Variants in EPB41L5 observed in about 807,000 individuals in gnomAD.
The protein encoded by EPB41L5 is band 4.1-like protein 5.
In EPB41L5, 55 loss-of-function variants were observed where a neutral mutation model predicts 106.6. The ratio of observed to expected loss-of-function variants is 0.52; its 90% CI spans 0.42 to 0.65. The LOEUF is 0.65. Among genes scored for constraint, EPB41L5 ranks in the 30% least tolerant of loss-of-function variants. The pLI is 0.00. For synonymous variants in EPB41L5, 297 were observed against 306.7 expected (o/e 0.97, Z 0.33); for missense variants, 871 against 882.1 (o/e 0.99, Z 0.16).
chr2:120,166,164 A>G (rs1397113690), intron 22 of EPB41L5, among the ~76,000 whole-genome samples: 2 of 152,068 alleles, frequency 1.3e-5, no homozygotes. Context: ...TTAACACACA[A>G]GATTGCTGGG....
At chr2:120,104,360 A>T in intron 16 of EPB41L5, 1 of 1,416,106 alleles carries the variant, frequency 7.1e-7, no homozygotes, top group Non-Finnish European at 9.2e-7. Context: ...GTGAGTCACT[A>T]GTTGTTCAGT....
At chr2:120,159,380 G>T (rs1291463593) in intron 20 of EPB41L5, among the ~76,000 whole-genome samples, 3 of 144,008 alleles carry the variant, frequency 2.1e-5, no homozygotes, top group African/African-American at 7.8e-5. Context: ...CCGAGATCGC[G>T]CCACTGCACC....
chr2:120,014,451 G>C (rs1677371740), intron 1 of EPB41L5, among the ~76,000 whole-genome samples: 1 of 152,170 alleles, frequency 6.6e-6, no homozygotes, highest in Non-Finnish European at 1.5e-5. Flanking sequence ...GCCAGACGAA[G>C]TCTTTGTCCT....
At chr2:120,062,095 A>G (rs1033703405) in intron 3 of EPB41L5, among the ~76,000 whole-genome samples, 1 of 152,192 alleles carries the variant, frequency 6.6e-6, no homozygotes, top group Non-Finnish European at 1.5e-5. Context: ...ACTTAATTTC[A>G]TAGTAGAAGT....
intron 3 of EPB41L5, among the ~76,000 whole-genome samples, chr2:120,062,156 A>G (rs192898869): frequency 6.6e-6 from 1 of 152,236 alleles, no homozygotes; most frequent in Non-Finnish European, 1.5e-5. Flanking sequence ...AGAAGGAAAT[A>G]AAATTATCAC....
chr2:120,104,418 A>C (rs1454508247), intron 16 of EPB41L5: 27 of 1,375,912 alleles, frequency 2.0e-5, no homozygotes, highest in Non-Finnish European at 2.3e-5. Flanking sequence ...GAATCAAGGA[A>C]GCCATATAGC....
intron 10 of EPB41L5, among the ~76,000 whole-genome samples, chr2:120,082,742 T>G (rs1039657949): frequency 6.6e-6 from 1 of 152,188 alleles, no homozygotes; most frequent in Non-Finnish European, 1.5e-5. Context: ...TCCTGGACTT[T>G]TTTTGGTTGG....
intron 2 of EPB41L5, among the ~76,000 whole-genome samples, chr2:120,041,021 C>T (rs907538300): frequency 1.3e-5 from 2 of 151,950 alleles, no homozygotes; most frequent in African/African-American, 4.8e-5. Flanking sequence ...ATTATACCTA[C>T]CAATAGTTAC....
intron 16 of EPB41L5, among the ~76,000 whole-genome samples, chr2:120,107,722 C>T (rs1413810028): frequency 6.6e-6 from 1 of 152,136 alleles, no homozygotes; most frequent in Non-Finnish European, 1.5e-5. Context: ...CATTTCTCAT[C>T]CTCTGTTCAT....
chr2:120,063,152 C>A (rs983369722), intron 3 of EPB41L5, among the ~76,000 whole-genome samples: 64 of 151,578 alleles, frequency 4.2e-4, no homozygotes, highest in African/African-American at 1.5e-3. Context: ...CTAGCCCGGC[C>A]AACCTGGTGA....
At position 120,175,006 on chromosome 2, in the gene EPB41L5, T is replaced by A; in HGVS notation, c.*99T>A. The A allele has an allele frequency of 8.5e-7, 1 of 1,172,590 alleles. No homozygotes were observed. Among genetic ancestry groups the A allele is most frequent in the Non-Finnish European group, 1.3e-6 (1 of 782,890 alleles). The allele number at this position is 1,172,590 out of a possible 1,614,324, so 72.6% of individuals were successfully genotyped here. Reference sequence around the variant, plus strand: ...CAGGAGCTTGTCCATTATTTGTAGGTAAAAAAAGCTGCACGTAGATTTGAC... The same window carrying A: ...CAGGAGCTTGTCCATTATTTGTAGGAAAAAAAAGCTGCACGTAGATTTGAC... On this transcript the variant is annotated 3_prime_UTR_variant, in exon 25 of 25. Transcript: ENST00000263713.
intron 24 of EPB41L5, among the ~76,000 whole-genome samples, chr2:120,170,681 A>C (rs1687636001): frequency 6.6e-6 from 1 of 152,242 alleles, no homozygotes; most frequent in African/African-American, 2.4e-5. Flanking sequence ...GTTGTTGGTT[A>C]AAGTAAGTCA....
chr2:120,086,180 G>C (rs1255868645), intron 10 of EPB41L5, among the ~76,000 whole-genome samples: 1 of 152,156 alleles, frequency 6.6e-6, no homozygotes, highest in Non-Finnish European at 1.5e-5. Context: ...CAGCCTTTGT[G>C]ACAGAGTGAG....
intron 2 of EPB41L5, 56 bp from the exon 3 acceptor site, chr2:120,041,950 A>G (rs941949266): frequency 7.6e-7 from 1 of 1,313,742 alleles, no homozygotes; most frequent in Non-Finnish European, 1.1e-6. Flanking sequence ...TCTTTTGTTC[A>G]GGCTTGTTGA....
At chr2:120,158,748 G>A (rs1340116580) in intron 20 of EPB41L5, among the ~76,000 whole-genome samples, 1 of 152,160 alleles carries the variant, frequency 6.6e-6, no homozygotes, top group Admixed American at 6.5e-5. Context: ...GAGCAATCAG[G>A]CTGGAGAAAG....
chr2:120,093,232 C>G lies in EPB41L5; in HGVS notation c.1151-17C>G, dbSNP rs761112921. The G allele has an allele frequency of 2.5e-6, 4 of 1,611,588 alleles. No individual in the cohort carries two copies. The East Asian group carries it at 8.9e-5, about 36-fold the overall frequency. On this transcript the variant is annotated splice_polypyrimidine_tract_variant and intron_variant, in intron 13 of 24. Coordinates refer to ENST00000263713, the MANE Select transcript of EPB41L5 (RefSeq NM_020909.4). ...TAAGATGAAACTAATGAGGTGTTATCTTTTTTCTTCTGTTAGCATGTGCTA... is the reference window on the plus strand; with the variant it reads ...TAAGATGAAACTAATGAGGTGTTATGTTTTTTCTTCTGTTAGCATGTGCTA...
chr2:120,066,071 G>A (rs534034903), intron 3 of EPB41L5, among the ~76,000 whole-genome samples: 20 of 152,050 alleles, frequency 1.3e-4, no homozygotes, highest in African/African-American at 4.8e-4. Flanking sequence ...CCTGTGTTAT[G>A]GGGTGTGGGT....
At chr2:120,027,073 A>G (rs1282120328) in intron 2 of EPB41L5, among the ~76,000 whole-genome samples, 2 of 152,218 alleles carry the variant, frequency 1.3e-5, no homozygotes, top group Non-Finnish European at 2.9e-5. Context: ...TGGTAAGGAT[A>G]TGGACAAATC....
At chr2:120,043,035 GT>G (rs1679511737) in intron 3 of EPB41L5, among the ~76,000 whole-genome samples, 1 of 150,330 alleles carries the variant, frequency 6.7e-6, no homozygotes, top group Admixed American at 6.6e-5. Context: ...GTGTGTGTGT[GT>G]GTGTGTGTGT....
Sources: gnomAD v4.1 joint callset for allele counts (sites outside exome capture counted in the v4.1 genomes callset) on GRCh38, gnomAD v4.1.1 for gene constraint, MANE v1.5 for transcripts, NCBI Gene and HGNC (gene_info 2026-07-23, HGNC 2026-07-21) for gene names.